Variants in NPSR1 observed in about 807,000 individuals in gnomAD.
NPSR1 encodes the protein neuropeptide S receptor 1.
NPSR1 carries 48 observed loss-of-function variants against 46.9 expected under a neutral mutation model. The observed-to-expected ratio is 1.02, with a 90% CI of 0.81 to 1.30. NPSR1 has a LOEUF of 1.30. Among genes scored for constraint, NPSR1 ranks in the 50% most tolerant of loss-of-function variants. NPSR1 has a pLI of 0.00. For synonymous variants in NPSR1, 176 were observed against 168.1 expected, an observed-to-expected ratio of 1.05 and a Z score of -0.36; for missense variants, 450 against 449.5, an observed-to-expected ratio of 1.00 and a Z score of -0.01.
chr7:34,756,566 T>G (rs990213847), intron 2 of NPSR1, among the ~76,000 whole-genome samples: 1 of 152,216 alleles, frequency 6.6e-6, no homozygotes, highest in East Asian at 1.9e-4. Flanking sequence ...AAAGCAGCCA[T>G]GAGCAAACAG....
At chr7:34,754,161 C>T (rs1413743837) in intron 2 of NPSR1, among the ~76,000 whole-genome samples, 4 of 152,218 alleles carry the variant, frequency 2.6e-5, no homozygotes, top group Admixed American at 2.0e-4. Flanking sequence ...GTCTACACCC[C>T]CTTTGTAGTA....
chr7:34,732,838 G>C (rs1311036630), intron 2 of NPSR1, among the ~76,000 whole-genome samples: 1 of 152,174 alleles, frequency 6.6e-6, no homozygotes, highest in Non-Finnish European at 1.5e-5. Flanking sequence ...CTCACAAAAT[G>C]AGTAGCCACA....
chr7:34,708,480 G>T (rs1441080307), intron 2 of NPSR1, among the ~76,000 whole-genome samples: 1 of 152,152 alleles, frequency 6.6e-6, no homozygotes, highest in African/African-American at 2.4e-5. Context: ...TGAAAGCCAG[G>T]GTACTTAACA....
At chr7:34,865,810 C>T (rs1261454280) in intron 8 of NPSR1, among the ~76,000 whole-genome samples, 1 of 151,692 alleles carries the variant, frequency 6.6e-6, no homozygotes, top group Non-Finnish European at 1.5e-5. Flanking sequence ...TCTCTCCCCA[C>T]CTGCTCCAGA....
intron 1 of NPSR1, among the ~76,000 whole-genome samples, chr7:34,681,608 G>A (rs943994949): frequency 2.6e-5 from 4 of 152,134 alleles, no homozygotes; most frequent in Admixed American, 1.3e-4. Context: ...AAGACATGTA[G>A]GGTGGCCTTA....
chr7:34,740,333 A>G (rs1229060186), intron 2 of NPSR1, among the ~76,000 whole-genome samples: 1 of 151,734 alleles, frequency 6.6e-6, no homozygotes, highest in African/African-American at 2.4e-5. Flanking sequence ...CCTGCCTCCC[A>G]GCTGTGAAAG....
At chr7:34,875,881 C>T (rs1304697077) in intron 8 of NPSR1, among the ~76,000 whole-genome samples, 1 of 152,058 alleles carries the variant, frequency 6.6e-6, no homozygotes, top group East Asian at 1.9e-4. Flanking sequence ...GTGTGTGCAC[C>T]ATGCTTAGCC....
At chr7:34,866,530 C>G (rs1231920474) in intron 8 of NPSR1, among the ~76,000 whole-genome samples, 2 of 151,586 alleles carry the variant, frequency 1.3e-5, no homozygotes, top group Non-Finnish European at 2.9e-5. Flanking sequence ...GCCCCTTTTT[C>G]CTTGACCTGA....
chr7:34,844,881 C>T lies in NPSR1; in HGVS notation c.758-15C>T, dbSNP rs555512519. Reference sequence around the variant, plus strand: ...TTGAACACTTCATCTTACTATTCCCCTCTTGTATCTACAGATGGGAAACTG... The same window carrying T: ...TTGAACACTTCATCTTACTATTCCCTTCTTGTATCTACAGATGGGAAACTG... On this transcript the variant is annotated splice_polypyrimidine_tract_variant and intron_variant, in intron 6 of 8. Coordinates refer to ENST00000360581, the MANE Select transcript of NPSR1 (RefSeq NM_207172.2). 1.4e-5 allele frequency: 21 copies of T among 1,507,890 alleles called. No individual in the cohort carries two copies. The East Asian group carries it at 4.5e-4, about 32-fold the overall frequency. 93.4% of individuals were successfully genotyped at this position (1,507,890 alleles called of 1,614,324 possible). A position where few individuals can be genotyped will look rare whatever the true frequency, so the allele number is the denominator to read the frequency against.
At chr7:34,745,421 A>G (rs532911724) in intron 2 of NPSR1, among the ~76,000 whole-genome samples, 6 of 152,270 alleles carry the variant, frequency 3.9e-5, no homozygotes, top group Non-Finnish European at 8.8e-5. Context: ...TTTCATTTCT[A>G]AAAGTTCTAC....
intron 3 of NPSR1, among the ~76,000 whole-genome samples, chr7:34,787,082 T>A (rs1381856841): frequency 1.3e-5 from 2 of 152,148 alleles, no homozygotes; most frequent in African/African-American, 4.8e-5. Flanking sequence ...AAGCGCTAGA[T>A]GGCATCTTCT....
At chr7:34,681,019 A>G (rs1792606434) in intron 1 of NPSR1, among the ~76,000 whole-genome samples, 2 of 151,520 alleles carry the variant, frequency 1.3e-5, no homozygotes, top group Admixed American at 1.3e-4. Flanking sequence ...GTATGTATAT[A>G]TATTGTGCAC....
At chr7:34,662,472 G>A (rs1791505106) in intron 1 of NPSR1, among the ~76,000 whole-genome samples, 1 of 152,200 alleles carries the variant, frequency 6.6e-6, no homozygotes, top group Admixed American at 6.5e-5. Context: ...CCAGGACAGT[G>A]TCAGGGATGT....
chr7:34,811,812 A>G lies in NPSR1; in HGVS notation c.427A>G (p.Ser143Gly), dbSNP rs325465. The G allele has an allele frequency of 1.7e-3, 2,679 of 1,613,068 alleles. 38 individuals carry two copies. The African/African-American group carries it at 0.031, about 18-fold the overall frequency. ...CTCTACCTACGTCCTGGTGTCCCTC[A>G]GCATAGACAGATACCATGCCATCGT... is the stretch of plus-strand genomic sequence containing the variant. Reference protein sequence around the residue: ...YASTYVLVSLSIDRYHAIVYP... With the variant: ...YASTYVLVSLGIDRYHAIVYP... The change falls in exon 4 of 9, where the codon AGC (serine) becomes GGC (glycine). Residue 143 changes from serine (S) to glycine (G), a missense_variant. Coordinates refer to ENST00000360581, the MANE Select transcript of NPSR1 (RefSeq NM_207172.2).
chr7:34,814,040 C>T (rs1296008100), intron 4 of NPSR1, among the ~76,000 whole-genome samples: 3 of 152,192 alleles, frequency 2.0e-5, no homozygotes, highest in Non-Finnish European at 2.9e-5. Context: ...GTGCCTGGTT[C>T]ATCTCACTGG....
At chr7:34,710,767 A>G (rs1783240598) in intron 2 of NPSR1, 2 of 446,252 alleles carry the variant, frequency 4.5e-6, no homozygotes. Flanking sequence ...TTAAAATTCT[A>G]TTGAAGAGAA....
At chr7:34,675,821 A>G (rs1006555412) in intron 1 of NPSR1, among the ~76,000 whole-genome samples, 4 of 152,266 alleles carry the variant, frequency 2.6e-5, no homozygotes, top group African/African-American at 7.2e-5. Context: ...CCAATCAGTC[A>G]TGTGCCAGCA....
At chr7:34,663,069 G>GTGTGTGTGTGTGTGTATT (rs1203512481) in intron 1 of NPSR1, among the ~76,000 whole-genome samples, 1 of 71,030 alleles carries the variant, frequency 1.4e-5, no homozygotes, top group Non-Finnish European at 3.0e-5. Flanking sequence ...CTCTCTCTCT[G>GTGTGTGTGTGTGTGTATT]TGTGTGTGTG....
rs567696092 is a variant in NPSR1, at chr7:34,839,020, G to A, written c.757+4560G>A. On this transcript the variant is annotated intron_variant, in intron 6 of 8. Coordinates refer to ENST00000360581, the MANE Select transcript of NPSR1 (RefSeq NM_207172.2). ...AGGCATACTAGAGTGAAGAAAAAAAGCTATGGATTAGGAATTGGGTTAGAG... is the reference window on the plus strand; with the variant it reads ...AGGCATACTAGAGTGAAGAAAAAAAACTATGGATTAGGAATTGGGTTAGAG... 2.6e-5 allele frequency among the ~76,000 whole-genome samples: 4 copies of A among 152,254 alleles called. No homozygotes were observed. In the South Asian group the frequency reaches 8.3e-4, roughly 32 times the overall value.
Sources: gnomAD v4.1 joint callset for allele counts (sites outside exome capture counted in the v4.1 genomes callset) on GRCh38, gnomAD v4.1.1 for gene constraint, MANE v1.5 for transcripts, NCBI Gene and HGNC (gene_info 2026-07-23, HGNC 2026-07-21) for gene names.